TRPM3: variants seen among roughly 807,000 people sequenced by gnomAD.
The protein encoded by TRPM3 is transient receptor potential cation channel subfamily M member 3, also known as long transient receptor potential channel 3.
Under a neutral mutation model 181.2 loss-of-function variants are expected in TRPM3, and 77 were observed. The observed-to-expected ratio is 0.42, with a 90% CI of 0.35 to 0.51. The LOEUF (loss-of-function observed/expected upper bound fraction) is 0.51. Among genes scored for constraint, TRPM3 ranks in the 20% least tolerant of loss-of-function variants. TRPM3 has a pLI of 0.01. For synonymous variants in TRPM3, 745 were observed against 796.4 expected (o/e 0.94, Z 1.09); for missense variants, 1,759 against 2,196.7 (o/e 0.80, Z 3.98).
intron 1 of TRPM3, among the ~76,000 whole-genome samples, chr9:71,054,105 A>C (rs2060384034): frequency 6.6e-6 from 1 of 152,132 alleles, no homozygotes. Flanking sequence ...TGTGTGGTAC[A>C]TGGAAAACTG....
chr9:71,396,793 C>A lies in TRPM3; in HGVS notation c.183+49860G>T, dbSNP rs143247167. 2.2e-3 allele frequency among the ~76,000 whole-genome samples: 330 copies of A among 151,744 alleles called. 1 individual carries two copies. Among genetic ancestry groups the A allele is most frequent in the African/African-American group, 7.7e-3 (317 of 41,388 alleles). ...CCTGGCTAACACGGTGAAACCCCAT[C>A]TCTACTAAAAAAAATACAAAAAATT... On this transcript the variant is annotated intron_variant, in intron 1 of 24. Transcript: ENST00000357533.
intron 1 of TRPM3, among the ~76,000 whole-genome samples, chr9:71,429,283 A>T (rs919681592): frequency 2.0e-5 from 3 of 152,172 alleles, no homozygotes; most frequent in Non-Finnish European, 2.9e-5. Context: ...GAATTGCCCT[A>T]CATTTTTTTC....
At chr9:70,923,672 T>G (rs2096682978) in intron 1 of TRPM3, among the ~76,000 whole-genome samples, 1 of 151,910 alleles carries the variant, frequency 6.6e-6, no homozygotes, top group African/African-American at 2.4e-5. Flanking sequence ...CCTAAGAACT[T>G]GCTTTAGGCA....
intron 1 of TRPM3, among the ~76,000 whole-genome samples, chr9:70,874,119 T>C (rs1041621281): frequency 1.3e-5 from 2 of 151,960 alleles, no homozygotes; most frequent in African/African-American, 4.8e-5. Context: ...ACTCATGTTT[T>C]GTCAATAGGT....
intron 1 of TRPM3, among the ~76,000 whole-genome samples, chr9:71,434,067 G>A (rs1447001135): frequency 2.0e-5 from 3 of 152,148 alleles, no homozygotes; most frequent in Non-Finnish European, 4.4e-5. Flanking sequence ...GCTCAGGCAG[G>A]AGAATCACTT....
chr9:70,863,613 A>G (rs1176601578), intron 2 of TRPM3, among the ~76,000 whole-genome samples: 2 of 152,202 alleles, frequency 1.3e-5, no homozygotes, highest in Non-Finnish European at 2.9e-5. Context: ...CTGAGAATAA[A>G]AATCTGCAGG....
At chr9:70,676,694 T>C (rs569634550) in intron 9 of TRPM3, among the ~76,000 whole-genome samples, 48 of 152,176 alleles carry the variant, frequency 3.2e-4, no homozygotes, top group Middle Eastern at 6.8e-3. Flanking sequence ...GGTCCAGAAA[T>C]AGAAATGATG....
At chr9:71,083,573 A>C (rs1324382765) in intron 1 of TRPM3, among the ~76,000 whole-genome samples, 1 of 152,068 alleles carries the variant, frequency 6.6e-6, no homozygotes, top group East Asian at 1.9e-4. Flanking sequence ...GTATGAAAAA[A>C]GGGGTGAATA....
intron 1 of TRPM3, among the ~76,000 whole-genome samples, chr9:71,315,645 T>C (rs2088508666): frequency 1.3e-5 from 2 of 152,268 alleles, no homozygotes; most frequent in South Asian, 2.1e-4. Context: ...TTAAAATCAA[T>C]TTAAGAAAAA....
chr9:71,316,514 A>C (rs919887602), intron 1 of TRPM3, among the ~76,000 whole-genome samples: 39 of 152,190 alleles, frequency 2.6e-4, no homozygotes, highest in African/African-American at 9.2e-4. Flanking sequence ...GGCCCATTTG[A>C]ATCACATGAG....
chr9:70,805,292 G>A (rs7869404), intron 6 of TRPM3, among the ~76,000 whole-genome samples: 47,597 of 151,216 alleles, frequency 0.31, 9,245 homozygotes, highest in African/African-American at 0.55. Context: ...GAGACCTAAT[G>A]AAGGTTAAGA....
At chr9:71,295,082 C>A (rs1211595030) in intron 1 of TRPM3, among the ~76,000 whole-genome samples, 1 of 152,020 alleles carries the variant, frequency 6.6e-6, no homozygotes, top group East Asian at 1.9e-4. Context: ...TTATTTAATG[C>A]TATTCTTTAT....
chr9:70,958,096 G>A (rs2097097993), intron 1 of TRPM3, among the ~76,000 whole-genome samples: 1 of 152,148 alleles, frequency 6.6e-6, no homozygotes, highest in African/African-American at 2.4e-5. Flanking sequence ...ATCTAAGGTC[G>A]CCTTTCCCTT....
intron 1 of TRPM3, among the ~76,000 whole-genome samples, chr9:71,007,341 T>A (rs927968425): frequency 2.2e-4 from 33 of 152,090 alleles, no homozygotes; most frequent in African/African-American, 7.2e-4. Flanking sequence ...ACAGTTAAAC[T>A]ACATTTTAGA....
chr9:71,215,046 A>G (rs2079767824), intron 1 of TRPM3, among the ~76,000 whole-genome samples: 1 of 9,666 alleles, frequency 1.0e-4, no homozygotes. Flanking sequence ...AAAAAAAAAA[A>G]CAAAAAAAAA....
chr9:70,555,163 A>T (rs1315581545), intron 22 of TRPM3, among the ~76,000 whole-genome samples: 1 of 152,108 alleles, frequency 6.6e-6, no homozygotes, highest in East Asian at 1.9e-4. Flanking sequence ...CTTGGCTTCT[A>T]AAAGACCCCT....
intron 1 of TRPM3, among the ~76,000 whole-genome samples, chr9:71,204,825 A>G (rs10868979): frequency 0.43 from 64,537 of 151,396 alleles, 13,999 homozygotes; most frequent in East Asian, 0.52. Flanking sequence ...AATGTCCAAC[A>G]ATGATAGACT....
chr9:71,000,284 T>C (rs1021387673), intron 1 of TRPM3, among the ~76,000 whole-genome samples: 1 of 152,236 alleles, frequency 6.6e-6, no homozygotes, highest in African/African-American at 2.4e-5. Context: ...CTTAAGATTC[T>C]ATTTGGCTGA....
intron 1 of TRPM3, among the ~76,000 whole-genome samples, chr9:71,241,494 C>T (rs13285164): frequency 9.8e-6 from 1 of 102,358 alleles, no homozygotes; most frequent in African/African-American, 4.1e-5. Flanking sequence ...CGGGGCCTGC[C>T]GTGGGGTGGG....
Sources: allele counts gnomAD v4.1 joint callset (sites outside exome capture counted in the v4.1 genomes callset), GRCh38; gene constraint gnomAD v4.1.1; transcripts MANE v1.5; gene names NCBI Gene and HGNC (gene_info 2026-07-23, HGNC 2026-07-21).